The following PTPRD variants were observed in gnomAD, a reference collection of about 807,000 sequenced individuals.
The protein encoded by PTPRD is receptor-type tyrosine-protein phosphatase delta.
Under a neutral mutation model 214.5 loss-of-function variants are expected in PTPRD, and 34 were observed. That is an observed-to-expected ratio of 0.16 (90% CI 0.12 to 0.21). The LOEUF is 0.21. PTPRD is among the 10% of genes least tolerant of loss of function. PTPRD has a pLI of 1.00. For missense variants in PTPRD, 2,545 were observed against 2,398.7 expected, an observed-to-expected ratio of 1.06 and a Z score of -1.27; for synonymous variants, 1,128 against 845.7, an observed-to-expected ratio of 1.33 and a Z score of -5.79.
intron 11 of PTPRD, among the ~76,000 whole-genome samples, chr9:8,820,926 C>G (rs1355413076): frequency 6.6e-6 from 1 of 152,126 alleles, no homozygotes; most frequent in Non-Finnish European, 1.5e-5. Flanking sequence ...AATATGATGT[C>G]ATACAATCAT....
intron 12 of PTPRD, among the ~76,000 whole-genome samples, chr9:8,687,403 A>G (rs549255348): frequency 2.6e-5 from 4 of 152,364 alleles, no homozygotes; most frequent in African/African-American, 9.6e-5. Flanking sequence ...GAAAACCAAT[A>G]TGAATGCCTT....
At chr9:9,242,867 G>C (rs188934521) in intron 9 of PTPRD, among the ~76,000 whole-genome samples, 78 of 152,262 alleles carry the variant, frequency 5.1e-4, no homozygotes, top group African/African-American at 1.6e-3. Flanking sequence ...GTCCAGCTAT[G>C]TTCCATTGCT....
intron 30 of PTPRD, among the ~76,000 whole-genome samples, chr9:8,472,521 A>G (rs2096673723): frequency 6.6e-6 from 1 of 152,200 alleles, no homozygotes; most frequent in Non-Finnish European, 1.5e-5. Context: ...GCTGTTCAGC[A>G]TGGTATCCAC....
intron 12 of PTPRD, among the ~76,000 whole-genome samples, chr9:8,669,150 G>A (rs930050478): frequency 6.6e-6 from 1 of 152,132 alleles, no homozygotes; most frequent in East Asian, 1.9e-4. Context: ...ATGCATGTAG[G>A]CAGACAGTGG....
At chr9:10,014,746 A>C (rs1156821627) in intron 4 of PTPRD, among the ~76,000 whole-genome samples, 1 of 152,062 alleles carries the variant, frequency 6.6e-6, no homozygotes, top group Non-Finnish European at 1.5e-5. Flanking sequence ...ATTATCCATT[A>C]AAATTATATG....
intron 3 of PTPRD, among the ~76,000 whole-genome samples, chr9:10,308,724 A>C (rs1369091076): frequency 6.6e-6 from 1 of 151,884 alleles, no homozygotes; most frequent in Admixed American, 6.6e-5. Context: ...TAATCTTTCC[A>C]ATTTCTTTGA....
intron 4 of PTPRD, 34 bp from the exon 5 acceptor site, chr9:9,938,644 T>C (rs1396469144): frequency 6.6e-6 from 1 of 152,174 alleles, no homozygotes; most frequent in Non-Finnish European, 1.5e-5. Flanking sequence ...CATTTCTTCA[T>C]GTTCCTTGAA....
At chr9:8,972,439 C>T (rs1388852204) in intron 11 of PTPRD, among the ~76,000 whole-genome samples, 3 of 151,422 alleles carry the variant, frequency 2.0e-5, no homozygotes, top group Non-Finnish European at 4.4e-5. Context: ...ATCAAACATA[C>T]ATACTAATTG....
rs940878722 is a variant in PTPRD, at chr9:9,857,488, A to G, written c.-368+81019T>C. Among the ~76,000 whole-genome samples, 17 of 152,152 alleles carry G rather than the reference A, an allele frequency of 1.1e-4. 1 individual carries two copies. The highest frequency in any genetic ancestry group is 3.9e-4 in the African/African-American group (16 of 41,442). On this transcript the variant is annotated intron_variant, in intron 5 of 45. Transcript: ENST00000381196. Reference sequence around the variant, plus strand: ...TCTCAAACCATTTTCATCCTCTCCTATAGCCTAATAGAGTCACTCTCTGCA... The same window carrying G: ...TCTCAAACCATTTTCATCCTCTCCTGTAGCCTAATAGAGTCACTCTCTGCA...
intron 11 of PTPRD, among the ~76,000 whole-genome samples, chr9:8,940,427 C>T (rs186090996): frequency 9.0e-5 from 13 of 144,204 alleles, no homozygotes; most frequent in Non-Finnish European, 2.0e-4. Flanking sequence ...GGATTACAGG[C>T]TCCTATCACC....
At chr9:9,392,290 A>ACG (rs2066127604) in intron 9 of PTPRD, among the ~76,000 whole-genome samples, 1 of 152,192 alleles carries the variant, frequency 6.6e-6, no homozygotes, top group Non-Finnish European at 1.5e-5. Context: ...CCATTGGGTC[A>ACG]TAAACCTGCT....
intron 5 of PTPRD, among the ~76,000 whole-genome samples, chr9:9,891,545 AT>A (rs1487722038): frequency 6.6e-6 from 1 of 151,986 alleles, no homozygotes; most frequent in African/African-American, 2.4e-5. Context: ...ATATGAGCTT[AT>A]TTTTTTGACA....
intron 11 of PTPRD, among the ~76,000 whole-genome samples, chr9:8,840,406 C>T (rs1411614572): frequency 6.6e-6 from 1 of 152,210 alleles, no homozygotes; most frequent in East Asian, 1.9e-4. Context: ...GCTTGCTCCT[C>T]CTTGCCTTCT....
At chr9:9,982,997 T>C (rs781384272) in intron 4 of PTPRD, among the ~76,000 whole-genome samples, 1 of 151,858 alleles carries the variant, frequency 6.6e-6, no homozygotes, top group Non-Finnish European at 1.5e-5. Flanking sequence ...CTAAAATCAA[T>C]GGAATATTCT....
intron 7 of PTPRD, among the ~76,000 whole-genome samples, chr9:9,604,849 C>CA (rs1055435373): frequency 9.4e-5 from 14 of 149,402 alleles, no homozygotes; most frequent in Non-Finnish European, 1.8e-4. Flanking sequence ...CCTAGAATAT[C>CA]AAAAAAAGAA....
chr9:8,500,558 GAAAAAAAAAAAAAAA>G (rs146807692), intron 24 of PTPRD, among the ~76,000 whole-genome samples, 181 bp downstream of exon 24: 43 of 14,318 alleles, frequency 3.0e-3, no homozygotes, highest in African/African-American at 9.4e-3. Flanking sequence ...TGAAAAAAAT[GAAAAAAAAAAAAAAA>G]AAAAAAAAAA....
intron 9 of PTPRD, among the ~76,000 whole-genome samples, chr9:9,299,522 A>G (rs118185412): frequency 0.021 from 3,236 of 151,620 alleles, 67 homozygotes; most frequent in Non-Finnish European, 0.032. Context: ...TTGTCTTTAA[A>G]TTTTTCTTAT....
In PTPRD at chr9:10,571,417, T is replaced by G. The variant is rs373436146; in HGVS notation, c.-600+40981A>C. Among the ~76,000 whole-genome samples, 8 of 152,298 alleles carry G rather than the reference T, an allele frequency of 5.3e-5. 1 individual carries two copies. The East Asian group carries it at 1.5e-3, about 29-fold the overall frequency. ...AATACCTTTATTTCATGTGTTGTCA[T>G]CAGATATCATAAATGCTGTGTTAAA... On this transcript the variant is annotated intron_variant, in intron 2 of 45. Coordinates refer to ENST00000381196, the MANE Select transcript of PTPRD (RefSeq NM_002839.4).
At chr9:9,021,978 T>TG (rs1045496348) in intron 10 of PTPRD, among the ~76,000 whole-genome samples, 1 of 124,708 alleles carries the variant, frequency 8.0e-6, no homozygotes, top group East Asian at 2.4e-4. Context: ...TGTAGCGGGG[T>TG]GGGGGGCAAG....
Sources: gnomAD v4.1 joint callset for allele counts (sites outside exome capture counted in the v4.1 genomes callset) on GRCh38, gnomAD v4.1.1 for gene constraint, MANE v1.5 for transcripts, NCBI Gene and HGNC (gene_info 2026-07-23, HGNC 2026-07-21) for gene names.